The following CNTN5 variants were observed in gnomAD, a reference collection of about 807,000 sequenced individuals.
CNTN5 encodes contactin-5.
In CNTN5, 77 loss-of-function variants were observed where a neutral mutation model predicts 129.1. That is an observed-to-expected ratio of 0.60 (90% CI 0.50 to 0.72). The LOEUF (loss-of-function observed/expected upper bound fraction) is 0.72. Ranked by LOEUF, CNTN5 falls within the 30% of genes least tolerant of loss-of-function variation. CNTN5 has a pLI of 0.00. For synonymous variants in CNTN5, 509 were observed against 465.6 expected (o/e 1.09, Z -1.20); for missense variants, 1,478 against 1,328.8 (o/e 1.11, Z -1.75).
rs140384948 is a variant in CNTN5 at position 99,521,364 on chromosome 11, C to A, written c.-70-34781C>A. ...ATCTAGGTGTAAAATAGAGGCATTA[C>A]CTCTCATGCCTAAATCACAAGTTTC... is the stretch of plus-strand genomic sequence containing the variant. On this transcript the variant is annotated intron_variant, in intron 2 of 24. Coordinates refer to ENST00000524871, the MANE Select transcript of CNTN5 (RefSeq NM_014361.4). 1.1e-4 allele frequency among the ~76,000 whole-genome samples: 17 copies of A among 152,192 alleles called. No homozygotes were observed. The East Asian group carries it at 2.5e-3, about 22-fold the overall frequency.
At chr11:99,946,864 A>T (rs1216920162) in intron 7 of CNTN5, among the ~76,000 whole-genome samples, 2 of 151,974 alleles carry the variant, frequency 1.3e-5, no homozygotes, top group Non-Finnish European at 2.9e-5. Context: ...ATTTGCAAAA[A>T]AAATTGTCTA....
intron 1 of CNTN5, among the ~76,000 whole-genome samples, chr11:99,274,185 G>T (rs1863314183): frequency 6.6e-6 from 1 of 151,574 alleles, no homozygotes. Context: ...TATACCTGGG[G>T]CTTAATAGTT....
chr11:99,709,690 G>C (rs893348751), intron 3 of CNTN5, among the ~76,000 whole-genome samples: 4 of 151,710 alleles, frequency 2.6e-5, no homozygotes, highest in African/African-American at 9.7e-5. Flanking sequence ...ATGCCATCTA[G>C]TTTATGTTTT....
intron 6 of CNTN5, among the ~76,000 whole-genome samples, chr11:99,874,765 T>TA (rs1193941901): frequency 6.6e-6 from 1 of 152,162 alleles, no homozygotes; most frequent in Non-Finnish European, 1.5e-5. Context: ...ATTTACTTGA[T>TA]AAAAAAGTAA....
At chr11:99,721,140 T>G (rs1943157582) in intron 3 of CNTN5, among the ~76,000 whole-genome samples, 1 of 152,104 alleles carries the variant, frequency 6.6e-6, no homozygotes, top group Non-Finnish European at 1.5e-5. Flanking sequence ...GAAAATTATT[T>G]TAAAATTCAT....
At chr11:100,265,767 T>C (rs1223292340) in intron 17 of CNTN5, among the ~76,000 whole-genome samples, 1 of 152,078 alleles carries the variant, frequency 6.6e-6, no homozygotes, top group Non-Finnish European at 1.5e-5. Flanking sequence ...AAAATGTAAA[T>C]GGGAATAACT....
At chr11:99,205,184 A>AAT (rs58621536) in intron 1 of CNTN5, among the ~76,000 whole-genome samples, 4 of 151,980 alleles carry the variant, frequency 2.6e-5, no homozygotes, top group African/African-American at 9.7e-5. Flanking sequence ...AACAAAAAAA[A>AAT]CTCCAAGAAA....
intron 9 of CNTN5, among the ~76,000 whole-genome samples, chr11:100,051,559 A>C (rs1409761916): frequency 6.6e-6 from 1 of 151,978 alleles, no homozygotes; most frequent in Non-Finnish European, 1.5e-5. Flanking sequence ...TCTACCTTAA[A>C]CAAATGGAAA....
intron 15 of CNTN5, among the ~76,000 whole-genome samples, chr11:100,200,889 T>A (rs923793282): frequency 6.6e-6 from 1 of 151,986 alleles, no homozygotes; most frequent in African/African-American, 2.4e-5. Context: ...GGACTGTATA[T>A]GTTTTCTCTT....
At chr11:99,576,117 C>T (rs1161664518) in intron 3 of CNTN5, among the ~76,000 whole-genome samples, 3 of 152,140 alleles carry the variant, frequency 2.0e-5, no homozygotes, top group African/African-American at 4.8e-5. Flanking sequence ...AACAAATAAC[C>T]GCTTTTTCCC....
At chr11:100,078,146 A>G (rs889892932) in intron 13 of CNTN5, among the ~76,000 whole-genome samples, 2 of 152,226 alleles carry the variant, frequency 1.3e-5, no homozygotes, top group Non-Finnish European at 2.9e-5. Flanking sequence ...TTTTTCTACC[A>G]CGTTTTGAGT....
intron 8 of CNTN5, among the ~76,000 whole-genome samples, chr11:99,969,347 G>T (rs187081337): frequency 1.3e-5 from 2 of 152,168 alleles, no homozygotes; most frequent in Admixed American, 6.5e-5. Context: ...TTGATAACTG[G>T]CATTGTAACT....
Position 99,303,218 on chromosome 11 carries a change from G to T in CNTN5, c.-209-22128G>T, listed in dbSNP as rs184574725. Among the ~76,000 whole-genome samples the T allele has an allele frequency of 3.3e-4, 50 of 151,730 alleles. 1 individual carries two copies. The highest frequency in any genetic ancestry group is 2.6e-3 in the Admixed American group (39 of 15,190). ...AGATGCTTATCGATTTTAGAAGACA[G>T]TTAATTTCTAAATGTTAGGAAAATG... On this transcript the variant is annotated intron_variant, in intron 1 of 24. Coordinates refer to ENST00000524871, the MANE Select transcript of CNTN5 (RefSeq NM_014361.4).
At chr11:99,441,171 C>T (rs993490830) in intron 2 of CNTN5, among the ~76,000 whole-genome samples, 23 of 152,080 alleles carry the variant, frequency 1.5e-4, no homozygotes, top group African/African-American at 5.6e-4. Flanking sequence ...CTTGCATTTT[C>T]TCTTTAGCAA....
intron 2 of CNTN5, among the ~76,000 whole-genome samples, chr11:99,543,917 TCAAAAAAA>T (rs370926456): frequency 0.073 from 838 of 11,514 alleles, 12 homozygotes; most frequent in African/African-American, 0.092. Context: ...AGAGTCTGTC[TCAAAAAAA>T]CAAAAAAAAA....
chr11:100,139,960 G>A (rs1044599216), intron 13 of CNTN5, among the ~76,000 whole-genome samples: 1 of 152,148 alleles, frequency 6.6e-6, no homozygotes, highest in Non-Finnish European at 1.5e-5. Flanking sequence ...AATCCCTGGT[G>A]CAATGCTCTC....
intron 2 of CNTN5, among the ~76,000 whole-genome samples, chr11:99,546,100 G>T (rs1948282261): frequency 6.6e-6 from 1 of 152,178 alleles, no homozygotes; most frequent in Non-Finnish European, 1.5e-5. Context: ...TGAATTACTG[G>T]GGGCATTAGG....
intron 3 of CNTN5, among the ~76,000 whole-genome samples, chr11:99,593,224 A>C (rs1950030626): frequency 6.6e-6 from 1 of 152,198 alleles, no homozygotes; most frequent in Admixed American, 6.5e-5. Flanking sequence ...GATTAAGAGC[A>C]TAAAGATTTT....
chr11:99,568,661 T>C lies in CNTN5; in HGVS notation c.55+12392T>C, dbSNP rs72995263. ...ATGCAAAGGAAGATTCTTGATCTCC[T>C]TTATATTAAACAAATTTTATAGTTT... On this transcript the variant is annotated intron_variant, in intron 3 of 24. Transcript: ENST00000524871. Among the ~76,000 whole-genome samples the C allele has an allele frequency of 8.1e-3, 1,237 of 152,366 alleles. 4 individuals are homozygous for C. Among genetic ancestry groups the C allele is most frequent in the Non-Finnish European group, 0.012 (833 of 68,042 alleles).
Sources: gnomAD v4.1 joint callset for allele counts (sites outside exome capture counted in the v4.1 genomes callset) on GRCh38, gnomAD v4.1.1 for gene constraint, MANE v1.5 for transcripts, NCBI Gene and HGNC (gene_info 2026-07-23, HGNC 2026-07-21) for gene names.